TAS2R1: variants seen among roughly 807,000 people sequenced by gnomAD.
The protein encoded by TAS2R1 is taste 2 receptor member 1, also known as taste receptor type 2 member 1.
For synonymous variants in TAS2R1, 141 were observed against 134.2 expected (o/e 1.05, Z -0.35); for missense variants, 370 against 353.4 (o/e 1.05, Z -0.38).
intron 2 of TAS2R1, chr5:9,645,638 G>T (rs1287735541): frequency 6.6e-6 from 1 of 152,172 alleles, no homozygotes; most frequent in Non-Finnish European, 1.5e-5. Flanking sequence ...CCATTCACCT[G>T]AGCAAAAGAG....
the TAS2R1 span, among the ~76,000 whole-genome samples, chr5:9,889,278 C>T: frequency 6.6e-6 from 1 of 152,064 alleles, no homozygotes; most frequent in African/African-American, 2.4e-5. Context: ...TCTTACTGTA[C>T]TGATGATGGA....
At chr5:9,747,965 T>C in the TAS2R1 span, among the ~76,000 whole-genome samples, 1 of 151,974 alleles carries the variant, frequency 6.6e-6, no homozygotes, top group South Asian at 2.1e-4. Context: ...GGATGTGTTA[T>C]GGATAATAAT....
the TAS2R1 span, among the ~76,000 whole-genome samples, chr5:9,824,610 G>A: frequency 6.6e-6 from 1 of 152,144 alleles, no homozygotes; most frequent in Non-Finnish European, 1.5e-5. Flanking sequence ...ACTTTGGGGG[G>A]CCGAGGCAGG....
chr5:9,754,995 C>T, the TAS2R1 span, among the ~76,000 whole-genome samples: 2 of 152,128 alleles, frequency 1.3e-5, no homozygotes, highest in African/African-American at 4.8e-5. Flanking sequence ...AAAATCTTGT[C>T]TAACATAGAT....
the TAS2R1 span, among the ~76,000 whole-genome samples, chr5:9,723,750 G>A: frequency 6.6e-6 from 1 of 152,242 alleles, no homozygotes; most frequent in South Asian, 2.1e-4. Flanking sequence ...ACCCTCATCA[G>A]GGGTGAATGC....
the TAS2R1 span, among the ~76,000 whole-genome samples, chr5:9,873,261 C>T: frequency 9.2e-5 from 14 of 152,068 alleles, no homozygotes; most frequent in African/African-American, 1.9e-4. Context: ...TCCCTCTCTA[C>T]GACGGGCCCT....
chr5:9,875,267 T>G, the TAS2R1 span, among the ~76,000 whole-genome samples: 1 of 152,194 alleles, frequency 6.6e-6, no homozygotes, highest in African/African-American at 2.4e-5. Flanking sequence ...GGTGGGGAAC[T>G]GGAAAGGGTA....
At chr5:9,808,321 C>G in the TAS2R1 span, among the ~76,000 whole-genome samples, 1 of 152,092 alleles carries the variant, frequency 6.6e-6, no homozygotes, top group Non-Finnish European at 1.5e-5. Context: ...ACTTGACTAA[C>G]GTGTTCATAA....
At chr5:9,797,036 CATCCTCCTGGG>C in the TAS2R1 span, among the ~76,000 whole-genome samples, 32 of 152,272 alleles carry the variant, frequency 2.1e-4, no homozygotes, top group African/African-American at 7.7e-4. Context: ...TGCCCTTCAA[CATCCTCCTGGG>C]ATCCTCCTGG....
chr5:9,678,078 T>C (rs1740911707), intron 1 of TAS2R1, among the ~76,000 whole-genome samples: 1 of 151,950 alleles, frequency 6.6e-6, no homozygotes, highest in African/African-American at 2.4e-5. Context: ...AACTTAAACA[T>C]ATTTACAAAA....
chr5:9,781,107 G>C, the TAS2R1 span, among the ~76,000 whole-genome samples: 15 of 152,298 alleles, frequency 9.8e-5, no homozygotes, highest in East Asian at 2.9e-3. Flanking sequence ...ACCATCAAAT[G>C]ATCCATGTAC....
chr5:9,810,593 G>T, the TAS2R1 span, among the ~76,000 whole-genome samples: 7 of 152,278 alleles, frequency 4.6e-5, no homozygotes, highest in East Asian at 1.4e-3. Flanking sequence ...GAAGGTTTGA[G>T]ATAAGGATGC....
chr5:9,835,789 C>A, the TAS2R1 span, among the ~76,000 whole-genome samples: 1 of 152,248 alleles, frequency 6.6e-6, no homozygotes, highest in East Asian at 1.9e-4. Context: ...GAACCTCTCT[C>A]AACTCAGTGT....
intron 2 of TAS2R1, among the ~76,000 whole-genome samples, chr5:9,652,185 C>T (rs1243668669): frequency 6.6e-6 from 1 of 152,196 alleles, no homozygotes; most frequent in Admixed American, 6.5e-5. Context: ...TTACACAATT[C>T]CCACTGCTAG....
chr5:9,836,109 T>C, the TAS2R1 span, among the ~76,000 whole-genome samples: 1 of 152,016 alleles, frequency 6.6e-6, no homozygotes, highest in South Asian at 2.1e-4. Flanking sequence ...CTGTTGCTTT[T>C]AAAAAGGGGA....
chr5:9,709,841 T>C (rs765816650), intron 1 of TAS2R1, among the ~76,000 whole-genome samples: 4 of 152,164 alleles, frequency 2.6e-5, no homozygotes, highest in African/African-American at 7.2e-5. Context: ...CCATAGAAAA[T>C]GTGAGATAAT....
intron 1 of TAS2R1, among the ~76,000 whole-genome samples, chr5:9,679,381 T>A (rs1296692801): frequency 1.3e-5 from 2 of 152,166 alleles, no homozygotes. Context: ...GGTTGGGGGA[T>A]CCCAGGAAGA....
At chr5:9,689,189 CCTACCTATCATCTAT>C (rs1346526305) in intron 1 of TAS2R1, among the ~76,000 whole-genome samples, 3 of 152,128 alleles carry the variant, frequency 2.0e-5, no homozygotes, top group Non-Finnish European at 4.4e-5. Flanking sequence ...TTCCTAGCTA[CCTACCTATCATCTAT>C]CTACCTATCA....
chr5:9,724,976 A>T, the TAS2R1 span, among the ~76,000 whole-genome samples: 1 of 152,254 alleles, frequency 6.6e-6, no homozygotes, highest in Admixed American at 6.5e-5. Flanking sequence ...GGGGCAGCCC[A>T]TTTGAAACAC....
Sources: allele counts gnomAD v4.1 joint callset (sites outside exome capture counted in the v4.1 genomes callset), GRCh38; gene constraint gnomAD v4.1.1; transcripts MANE v1.5; gene names NCBI Gene and HGNC (gene_info 2026-07-23, HGNC 2026-07-21).